The following PTPRZ1 variants were observed in gnomAD, a reference collection of about 807,000 sequenced individuals.
PTPRZ1 encodes protein tyrosine phosphatase receptor type Z1, also known as receptor-type tyrosine-protein phosphatase zeta.
Under a neutral mutation model 214.1 loss-of-function variants are expected in PTPRZ1, and 82 were observed. That is an observed-to-expected ratio of 0.38 (90% confidence interval 0.32 to 0.46). The LOEUF (loss-of-function observed/expected upper bound fraction) is 0.46. Ranked by LOEUF, PTPRZ1 falls within the 20% of genes least tolerant of loss-of-function variation. The pLI is 1.00. For synonymous variants in PTPRZ1, 945 were observed against 987.9 expected (o/e 0.96, Z 0.81); for missense variants, 2,603 against 2,748.7 (o/e 0.95, Z 1.19).
intron 1 of PTPRZ1, among the ~76,000 whole-genome samples, chr7:121,907,045 TG>T (rs1179609428): frequency 6.6e-5 from 10 of 152,266 alleles, no homozygotes; most frequent in African/African-American, 1.9e-4. Context: ...CTCTTATGTG[TG>T]AATATTTTAT....
intron 11 of PTPRZ1, among the ~76,000 whole-genome samples, chr7:122,006,851 A>T (rs1477247772): frequency 6.6e-6 from 1 of 152,090 alleles, no homozygotes; most frequent in East Asian, 1.9e-4. Flanking sequence ...ATGCAAACAA[A>T]CAAGGGGTGG....
chr7:122,032,440 G>A (rs1799407846), intron 15 of PTPRZ1, among the ~76,000 whole-genome samples: 1 of 152,138 alleles, frequency 6.6e-6, no homozygotes, highest in Non-Finnish European at 1.5e-5. Flanking sequence ...TTCCACTGTA[G>A]CTGTAAGCAG....
Position 122,061,889 on chromosome 7 carries a change from T to G in PTPRZ1, c.*669T>G, listed in dbSNP as rs1382980844. 6.6e-6 allele frequency: 1 copy of G among 152,650 alleles called. No homozygotes were observed. Among genetic ancestry groups the G allele is most frequent in the African/African-American group, 2.4e-5 (1 of 41,462 alleles). 9.5% of individuals were successfully genotyped at this position (152,650 alleles called of 1,614,324 possible). ...TATTGTGTTACCTAAGTCATTAACT[T>G]TGTTTCAGCATGTAATTTTAACTTT... is the stretch of plus-strand genomic sequence containing the variant. On this transcript the variant is annotated 3_prime_UTR_variant, in exon 30 of 30. Transcript: ENST00000393386.
intron 2 of PTPRZ1, among the ~76,000 whole-genome samples, chr7:121,934,411 T>G (rs1796011256): frequency 7.0e-6 from 1 of 143,368 alleles, no homozygotes; most frequent in South Asian, 2.2e-4. Context: ...GCTTAAGAGC[T>G]CTGCATTTCG....
chr7:122,042,686 C>T lies in PTPRZ1; in HGVS notation c.5880C>T (p.Asn1960=), dbSNP rs772395547. The T allele has an allele frequency of 1.5e-5, 25 of 1,613,500 alleles. No individual in the cohort carries two copies. Among genetic ancestry groups the T allele is most frequent in the Non-Finnish European group, 2.1e-5 (25 of 1,179,572 alleles). The change falls in exon 22 of 30, where the codon AAC becomes AAT. Residue 1960 remains asparagine (N), a synonymous_variant. Coordinates refer to ENST00000393386, the MANE Select transcript of PTPRZ1 (RefSeq NM_002851.3). ...LQQIQHEGTV[N]IFGFLKHIRS... is the part of the protein sequence containing the mutation. Reference sequence around the variant, plus strand: ...AGATTCAACACGAAGGAACTGTCAACATATTTGGCTTCTTAAAACACATCC... The same window carrying T: ...AGATTCAACACGAAGGAACTGTCAATATATTTGGCTTCTTAAAACACATCC...
At chr7:121,978,943 T>C (rs1446775227) in intron 6 of PTPRZ1, among the ~76,000 whole-genome samples, 2 of 152,128 alleles carry the variant, frequency 1.3e-5, no homozygotes, top group Non-Finnish European at 2.9e-5. Context: ...CTCCCCCATA[T>C]TGGCAATCAG....
intron 1 of PTPRZ1, among the ~76,000 whole-genome samples, chr7:121,910,350 T>G (rs982548249): frequency 6.6e-6 from 1 of 152,212 alleles, no homozygotes; most frequent in Non-Finnish European, 1.5e-5. Flanking sequence ...TATCACCTTC[T>G]TAAATACTGC....
chr7:121,912,749 A>C (rs1056749413), intron 1 of PTPRZ1, among the ~76,000 whole-genome samples: 2 of 152,152 alleles, frequency 1.3e-5, no homozygotes, highest in Non-Finnish European at 2.9e-5. Context: ...GAGAAAGACG[A>C]TGATGAAAAT....
At chr7:121,964,825 G>T (rs1191673218) in intron 2 of PTPRZ1, among the ~76,000 whole-genome samples, 1 of 152,164 alleles carries the variant, frequency 6.6e-6, no homozygotes, top group East Asian at 1.9e-4. Context: ...GACATCTGTG[G>T]AGAGTATTGC....
At chr7:122,046,268 G>A (rs1011533498) in intron 23 of PTPRZ1, among the ~76,000 whole-genome samples, 1 of 152,026 alleles carries the variant, frequency 6.6e-6, no homozygotes, top group East Asian at 1.9e-4. Context: ...AATTAGCTGG[G>A]TGGGTGGCAT....
Position 122,012,527 on chromosome 7 carries a change from T to C in PTPRZ1, c.3481T>C (p.Leu1161=), listed in dbSNP as rs1584741373. Residue 1161 remains leucine, a synonymous_variant, in exon 12 of 30, where the codon TTA becomes CTA. Coordinates refer to ENST00000393386, the MANE Select transcript of PTPRZ1 (RefSeq NM_002851.3). The stretch of plus-strand genomic sequence containing the variant: ...CTCTGACCCTGCTTCTAGTGAAATG[T>C]TATCTCCTTCAACTCAGCTCTTATT... The part of the protein sequence containing the change: ...ASSDPASSEM[L]SPSTQLLFYE... 1 of 1,614,134 alleles carries C rather than the reference T, an allele frequency of 6.2e-7. No homozygotes were observed. The highest frequency in any genetic ancestry group is 8.5e-7 in the Non-Finnish European group (1 of 1,180,014).
chr7:122,007,388 C>G (rs1001674832), intron 11 of PTPRZ1, among the ~76,000 whole-genome samples: 9 of 152,114 alleles, frequency 5.9e-5, no homozygotes, highest in African/African-American at 2.2e-4. Context: ...GATACAGGAG[C>G]AGTGATTGGT....
intron 23 of PTPRZ1, among the ~76,000 whole-genome samples, chr7:122,049,766 T>A (rs1317616541): frequency 6.6e-6 from 1 of 152,114 alleles, no homozygotes; most frequent in African/African-American, 2.4e-5. Context: ...GGATTTTTCA[T>A]GGAAAATGTA....
Position 122,034,107 on chromosome 7 carries a change from T to C in PTPRZ1, c.5179T>C (p.Phe1727Leu), listed in dbSNP as rs745412801. ...ATTCCCTCATTAGACACTGAAAGAG[T>C]TTTACCAGGTAAGGCATTATTTCAC... ...FTEEFETLKE[F>L]YQEVQSCTVD... The change falls in exon 16 of 30, where the codon TTT becomes CTT. Residue 1727 changes from phenylalanine (F) to leucine (L), a missense_variant. By Grantham distance (22) the Phe-to-Leu change is conservative (BLOSUM62 0). Coordinates refer to ENST00000393386, the MANE Select transcript of PTPRZ1 (RefSeq NM_002851.3). 6.3e-7 allele frequency: 1 copy of C among 1,597,308 alleles called. No homozygotes were observed. Among genetic ancestry groups the C allele is most frequent in the Non-Finnish European group, 8.6e-7 (1 of 1,165,154 alleles).
chr7:122,049,026 T>C (rs1792090588), intron 23 of PTPRZ1, among the ~76,000 whole-genome samples: 1 of 152,128 alleles, frequency 6.6e-6, no homozygotes, highest in Non-Finnish European at 1.5e-5. Flanking sequence ...TTATAGGGTT[T>C]ATTCCAAAAA....
intron 2 of PTPRZ1, among the ~76,000 whole-genome samples, chr7:121,934,041 G>A (rs1201183901): frequency 6.6e-6 from 1 of 152,072 alleles, no homozygotes; most frequent in African/African-American, 2.4e-5. Context: ...TGAAAGGCTG[G>A]AATGATATAT....
intron 28 of PTPRZ1, 81 bp from the exon 29 acceptor site, chr7:122,059,672 G>T: frequency 6.8e-7 from 1 of 1,465,616 alleles, no homozygotes; most frequent in Non-Finnish European, 9.1e-7. Context: ...AAGTTGTCAA[G>T]GCTATATGCT....
chr7:122,005,167 T>C (rs1213643578), intron 11 of PTPRZ1, among the ~76,000 whole-genome samples: 4 of 152,020 alleles, frequency 2.6e-5, no homozygotes, highest in Non-Finnish European at 5.9e-5. Context: ...AAGAACATTG[T>C]GCTGACAACA....
At chr7:121,978,578 G>GCATGGGGGAAACTGCCC (rs1797512353) in intron 6 of PTPRZ1, among the ~76,000 whole-genome samples, 1 of 152,170 alleles carries the variant, frequency 6.6e-6, no homozygotes, top group South Asian at 2.1e-4. Flanking sequence ...CATGAGAACA[G>GCATGGGGGAAACTGCCC]CATGGGGGAA....
Sources: gnomAD v4.1 joint callset for allele counts (sites outside exome capture counted in the v4.1 genomes callset) on GRCh38, gnomAD v4.1.1 for gene constraint, MANE v1.5 for transcripts, NCBI Gene and HGNC (gene_info 2026-07-23, HGNC 2026-07-21) for gene names.